EYA2: variants seen among roughly 807,000 people sequenced by gnomAD.
EYA2 encodes protein phosphatase EYA2.
A neutral mutation model predicts 69.2 loss-of-function variants in EYA2; 31 were observed. That is an observed-to-expected ratio of 0.45 (90% CI 0.34 to 0.60). EYA2 has a LOEUF of 0.60. Among genes scored for constraint, EYA2 ranks in the 20% least tolerant of loss-of-function variants. EYA2 has a pLI of 0.02. For missense variants in EYA2, 622 were observed against 701.2 expected (o/e 0.89, Z 1.28); for synonymous variants, 257 against 279.4 (o/e 0.92, Z 0.80).
intron 12 of EYA2, among the ~76,000 whole-genome samples, chr20:47,179,327 T>G: frequency 1.9e-5 from 1 of 53,888 alleles, no homozygotes. Context: ...GGTGGGTGGG[T>G]GTGTGGGTAG....
chr20:47,121,348 C>T (rs748393521), intron 9 of EYA2, among the ~76,000 whole-genome samples: 1 of 152,174 alleles, frequency 6.6e-6, no homozygotes, highest in Non-Finnish European at 1.5e-5. Context: ...CCACCTTGGC[C>T]TCCCAAAGTG....
intron 9 of EYA2, among the ~76,000 whole-genome samples, chr20:47,104,427 T>C (rs1463048644): frequency 6.6e-6 from 1 of 152,226 alleles, no homozygotes; most frequent in African/African-American, 2.4e-5. Context: ...ACCAAGCTTT[T>C]TATTTTTATG....
At chr20:47,078,323 GCGCGCGCGCACA>G (rs777460323) in intron 7 of EYA2, among the ~76,000 whole-genome samples, 9 of 50,970 alleles carry the variant, frequency 1.8e-4, no homozygotes, top group Non-Finnish European at 2.3e-4. Context: ...GCACGTGCGC[GCGCGCGCGCACA>G]CACACACACA....
chr20:47,010,572 T>C (rs1306554941), intron 4 of EYA2, among the ~76,000 whole-genome samples: 1 of 151,712 alleles, frequency 6.6e-6, no homozygotes, highest in Non-Finnish European at 1.5e-5. Flanking sequence ...GAGGCTGCAG[T>C]GAACTGTGAG....
chr20:47,089,642 A>G (rs1600701183), intron 8 of EYA2, among the ~76,000 whole-genome samples: 1 of 152,330 alleles, frequency 6.6e-6, no homozygotes, highest in East Asian at 1.9e-4. Flanking sequence ...GCTGGGCCTC[A>G]GCCCAAGAGT....
At chr20:46,912,430 A>T (rs1239043459) in intron 1 of EYA2, among the ~76,000 whole-genome samples, 1 of 152,238 alleles carries the variant, frequency 6.6e-6, no homozygotes, top group East Asian at 1.9e-4. Context: ...TAACTGTAAC[A>T]GCTGCCATTC....
rs116968100 is a variant in EYA2 at position 46,913,874 on chromosome 20, A to G, written c.-11+18887A>G. ...GGCATTGAGCCAGGTGTTTGAATAT[A>G]TGATCATCTCCTTCTGTCCATTTTA... On this transcript the variant is annotated intron_variant, in intron 1 of 15. Transcript: ENST00000327619. Among the ~76,000 whole-genome samples the G allele has an allele frequency of 1.7e-3, 263 of 152,260 alleles. 9 individuals are homozygous for G. In the East Asian group the frequency reaches 0.043, roughly 25 times the overall value.
chr20:46,905,705 G>T (rs1984318042), intron 1 of EYA2, among the ~76,000 whole-genome samples: 1 of 152,144 alleles, frequency 6.6e-6, no homozygotes, highest in African/African-American at 2.4e-5. Context: ...AGGGTATGGG[G>T]TCCCCTCTAT....
chr20:46,950,201 A>C (rs1184344453), intron 1 of EYA2, among the ~76,000 whole-genome samples: 1 of 152,196 alleles, frequency 6.6e-6, no homozygotes, highest in Admixed American at 6.5e-5. Flanking sequence ...TGAGTGATAT[A>C]AAAAATAATC....
chr20:47,135,039 A>G (rs2033428044), intron 9 of EYA2, among the ~76,000 whole-genome samples: 2 of 147,308 alleles, frequency 1.4e-5, no homozygotes, highest in Non-Finnish European at 3.0e-5. Context: ...AGGCACAAGA[A>G]TGGCGTGAAC....
intron 9 of EYA2, among the ~76,000 whole-genome samples, chr20:47,109,207 G>A (rs1297454268): frequency 6.6e-6 from 1 of 152,080 alleles, no homozygotes; most frequent in Non-Finnish European, 1.5e-5. Flanking sequence ...AATTCCTCCT[G>A]AACAAATTCC....
intron 9 of EYA2, among the ~76,000 whole-genome samples, chr20:47,126,198 T>A (rs1377120865): frequency 6.6e-6 from 1 of 152,088 alleles, no homozygotes; most frequent in Non-Finnish European, 1.5e-5. Flanking sequence ...GCCAAACGCC[T>A]CCCCCGACCT....
chr20:47,065,445 A>G (rs1213299064), intron 5 of EYA2, among the ~76,000 whole-genome samples: 1 of 152,210 alleles, frequency 6.6e-6, no homozygotes, highest in East Asian at 1.9e-4. Context: ...GTCCCAAAAC[A>G]GATATACAGT....
At chr20:46,939,521 A>G (rs1233019232) in intron 1 of EYA2, among the ~76,000 whole-genome samples, 2 of 152,118 alleles carry the variant, frequency 1.3e-5, no homozygotes, top group Non-Finnish European at 2.9e-5. Context: ...TATGTGAGTC[A>G]ATAAGTTCCC....
At chr20:47,010,502 A>G (rs1396093586) in intron 4 of EYA2, among the ~76,000 whole-genome samples, 2 of 152,106 alleles carry the variant, frequency 1.3e-5, no homozygotes, top group Non-Finnish European at 2.9e-5. Context: ...GTGGTGGCAC[A>G]CACGTGCTCC....
chr20:47,081,584 G>A (rs6122550), intron 7 of EYA2, among the ~76,000 whole-genome samples: 41,994 of 151,552 alleles, frequency 0.28, 7,091 homozygotes, highest in Non-Finnish European at 0.36. Context: ...TTCAAGACCA[G>A]CCTGGCCAAC....
At chr20:47,013,145 G>T (rs1432625269) in intron 4 of EYA2, among the ~76,000 whole-genome samples, 1 of 152,180 alleles carries the variant, frequency 6.6e-6, no homozygotes, top group East Asian at 1.9e-4. Context: ...GTGCAAGACA[G>T]GGAGCCACAT....
rs377649808 is a variant in EYA2, at chr20:47,023,055, A to G, written c.415+6758A>G. The stretch of plus-strand genomic sequence containing the variant: ...ATTCCTTTTGTAATAAAAAAAAAAG[A>G]CACATGAATTTTTTAAACAGGTTAC... On this transcript the variant is annotated intron_variant, in intron 5 of 15. Coordinates refer to ENST00000327619, the MANE Select transcript of EYA2 (RefSeq NM_005244.5). 2.0e-4 allele frequency among the ~76,000 whole-genome samples: 31 copies of G among 152,076 alleles called. No individual in the cohort carries two copies. The East Asian group carries it at 4.2e-3, about 21-fold the overall frequency.
intron 1 of EYA2, among the ~76,000 whole-genome samples, chr20:46,987,964 C>CTCTCTCTCTCTCTCTCTA (rs1555809797): frequency 5.3e-4 from 6 of 11,276 alleles, no homozygotes; most frequent in Non-Finnish European, 6.7e-4. Flanking sequence ...CTCTCTCTCT[C>CTCTCTCTCTCTCTCTCTA]TATATATATA....
Sources: gnomAD v4.1 joint callset for allele counts (sites outside exome capture counted in the v4.1 genomes callset) on GRCh38, gnomAD v4.1.1 for gene constraint, MANE v1.5 for transcripts, NCBI Gene and HGNC (gene_info 2026-07-23, HGNC 2026-07-21) for gene names.